FURIN: variants seen among roughly 807,000 people sequenced by gnomAD.
The protein encoded by FURIN is furin, paired basic amino acid cleaving enzyme.
In FURIN, 18 loss-of-function variants were observed where a neutral mutation model predicts 89.2. The observed-to-expected ratio is 0.20, with a 90% CI of 0.14 to 0.30. The LOEUF (loss-of-function observed/expected upper bound fraction) is 0.30. Among genes scored for constraint, FURIN ranks in the 10% least tolerant of loss-of-function variants. The pLI is 1.00. For missense variants in FURIN, 879 were observed against 1,100.5 expected (o/e 0.80, Z 2.85); for synonymous variants, 508 against 466.4 (o/e 1.09, Z -1.15).
At chr15:90,873,232 G>A (rs938416344) in intron 1 of FURIN, 6 of 152,304 alleles carry the variant, frequency 3.9e-5, no homozygotes, top group African/African-American at 9.6e-5. Context: ...TTTTCTGGAA[G>A]CCATCCCCAC....
At chr15:90,871,507 G>C (rs2031290267) in intron 1 of FURIN, 1 of 148,906 alleles carries the variant, frequency 6.7e-6, no homozygotes, top group Non-Finnish European at 1.5e-5. Context: ...CGCTGGGAAC[G>C]CGGGCCCGCA....
Position 90,876,514 on chromosome 15 carries a change from A to G in FURIN, c.329A>G (p.Tyr110Cys). The G allele has an allele frequency of 6.2e-7, 1 of 1,614,068 alleles. No homozygotes were observed. ...VAKRRTKRDV[Y>C]QEPTDPKFPQ... is the part of the protein sequence containing the mutation. ...AAGCGACGGACTAAACGGGACGTGT[A>G]CCAGGAGCCCACAGACCCCAAGTTT... The change falls in exon 4 of 16, where the codon TAC (tyrosine) becomes TGC (cysteine). Residue 110 changes from tyrosine to cysteine, a missense_variant. Coordinates refer to ENST00000268171, the MANE Select transcript of FURIN (RefSeq NM_002569.4). This position sits in a 1 kb window ranked among gnomAD's most constrained non-coding sequence, Gnocchi z 5.0.
Position 90,878,835 on chromosome 15 carries a change from C to T in FURIN, c.912C>T (p.Asn304=), listed in dbSNP as rs762260324. The change falls in exon 9 of 16, where the codon AAC becomes AAT. Residue 304 remains asparagine, a synonymous_variant. Coordinates refer to ENST00000268171, the MANE Select transcript of FURIN (RefSeq NM_002569.4). ...GGGGCCGGGAACATGACAGCTGCAA[C>T]TGCGACGGCTACACCAACAGTATCT... ...GNGGREHDSC[N]CDGYTNSIYT... 6.2e-7 allele frequency: 1 copy of T among 1,611,860 alleles called. No individual in the cohort carries two copies. The highest frequency in any genetic ancestry group is 8.5e-7 in the Non-Finnish European group (1 of 1,178,956).
chr15:90,870,591 A>G (rs1252334468), intron 1 of FURIN, among the ~76,000 whole-genome samples: 1 of 152,186 alleles, frequency 6.6e-6, no homozygotes. Context: ...CGACCTTGGA[A>G]TAACCCAGCC....
At position 90,877,158 on chromosome 15, in the gene FURIN, C is replaced by A; in HGVS notation, c.525C>A (p.Val175=). 1 of 1,612,228 alleles carries A rather than the reference C, an allele frequency of 6.2e-7. No individual in the cohort carries two copies. The highest frequency in any genetic ancestry group is 8.5e-7 in the Non-Finnish European group (1 of 1,179,006). ...GNYDPGASFD[V]NDQDPDPQPR... The stretch of plus-strand genomic sequence containing the variant: ...AGGATCCTGGGGCCAGTTTTGATGT[C>A]AATGACCAGGACCCTGACCCCCAGC... Residue 175 remains valine, a synonymous_variant, in exon 6 of 16, where the codon GTC becomes GTA. Transcript: ENST00000268171.
At chr15:90,880,372 GCTA>G (rs2031893038) in intron 13 of FURIN, 99 bp downstream of exon 13, 1 of 972,512 alleles carries the variant, frequency 1.0e-6, no homozygotes, top group Admixed American at 2.6e-5. Context: ...GGCACTGAGT[GCTA>G]CTCAGTGGGG....
In FURIN at chr15:90,881,348, G is replaced by A. The variant is rs201334295; in HGVS notation, c.1855G>A (p.Ala619Thr). ...TGTCCAGCACTGCCCTCCAGGGTTC[G>A]CCCCCCAAGTCCTCGATACGCACTA... is the stretch of plus-strand genomic sequence containing the variant. ...SCVQHCPPGF[A>T]PQVLDTHYST... Residue 619 changes from alanine to threonine, a missense_variant, in exon 16 of 16, where the codon GCC becomes ACC. By Grantham distance (58) the Ala-to-Thr change is moderately conservative. Coordinates refer to ENST00000268171, the MANE Select transcript of FURIN (RefSeq NM_002569.4). This position sits in a 1 kb window ranked among gnomAD's most constrained non-coding sequence, Gnocchi z 4.3. 8 of 1,612,472 alleles carry A rather than the reference G, an allele frequency of 5.0e-6. No individual in the cohort carries two copies. Among genetic ancestry groups the A allele is most frequent in the South Asian group, 3.3e-5 (3 of 91,056 alleles).
rs970471265 is a variant in FURIN, at chr15:90,876,017, G to A, written c.177+100G>A. On this transcript the variant is annotated intron_variant, in intron 2 of 15. Coordinates refer to ENST00000268171, the MANE Select transcript of FURIN (RefSeq NM_002569.4). This position sits in a 1 kb window ranked among gnomAD's most constrained non-coding sequence, Gnocchi z 5.0. ...GGCCTTGTTTGCTCAGGGGCATCTGGGTAGCCGGCATGTTCTGGGTGGCCA... is the reference window on the plus strand; with the variant it reads ...GGCCTTGTTTGCTCAGGGGCATCTGAGTAGCCGGCATGTTCTGGGTGGCCA... The A allele has an allele frequency of 1.1e-5, 12 of 1,082,780 alleles. No homozygotes were observed. In the African/African-American group the frequency reaches 1.7e-4, roughly 16 times the overall value. The allele number at this position is 1,082,780 out of a possible 1,614,324, so 67.1% of individuals were successfully genotyped here. A position where few individuals can be genotyped will look rare whatever the true frequency, so the allele number is the denominator to read the frequency against.
In FURIN at chr15:90,880,924, G is replaced by A. The variant is rs773548672; in HGVS notation, c.1682-6G>A. ...TAACTCTTGCCTCCTCCCCGCTCTG[G>A]AACAGGGACGCTGACCAAGTTCACC... On this transcript the variant is annotated splice_polypyrimidine_tract_variant and splice_region_variant and intron_variant, in intron 14 of 15. Coordinates refer to ENST00000268171, the MANE Select transcript of FURIN (RefSeq NM_002569.4). The A allele has an allele frequency of 1.2e-6, 2 of 1,613,394 alleles. No homozygotes were observed. The highest frequency in any genetic ancestry group is 1.7e-6 in the Non-Finnish European group (2 of 1,179,442).
chr15:90,879,565 G>T (rs370424383), intron 10 of FURIN, 21 bp downstream of exon 10: 74 of 1,582,028 alleles, frequency 4.7e-5, no homozygotes, highest in Non-Finnish European at 6.3e-5. Flanking sequence ...GGGGGCCAGC[G>T]GCAACCCTGT....
chr15:90,878,465 C>T (rs376666095), intron 8 of FURIN, among the ~76,000 whole-genome samples, 161 bp downstream of exon 8: 4 of 152,166 alleles, frequency 2.6e-5, no homozygotes, highest in African/African-American at 9.7e-5. Context: ...GTGCATATAC[C>T]ACTTGGACTT....
intron 1 of FURIN, chr15:90,871,420 C>T (rs2031282428): frequency 6.6e-6 from 1 of 150,732 alleles, no homozygotes; most frequent in African/African-American, 2.4e-5. Flanking sequence ...CTGCCCCTAC[C>T]AGGAGCCGGA....
Position 90,881,577 on chromosome 15 carries a change from C to T in FURIN, c.2084C>T (p.Pro695Leu). 1 of 1,611,302 alleles carries T rather than the reference C, an allele frequency of 6.2e-7. No individual in the cohort carries two copies. Among genetic ancestry groups the T allele is most frequent in the Non-Finnish European group, 8.5e-7 (1 of 1,178,618 alleles). Reference protein sequence around the residue: ...SPPQQQPPRLPPEVEAGQRLR... With the variant: ...SPPQQQPPRLLPEVEAGQRLR... Reference sequence around the variant, plus strand: ...CCACAGCAGCAGCCACCTCGGCTGCCCCCGGAGGTGGAGGCGGGGCAACGG... The same window carrying T: ...CCACAGCAGCAGCCACCTCGGCTGCTCCCGGAGGTGGAGGCGGGGCAACGG... The change falls in exon 16 of 16, where the codon CCC (proline) becomes CTC (leucine). Residue 695 changes from proline (P) to leucine (L), a missense_variant. Physicochemically the swap from Pro to Leu is moderately conservative, Grantham distance 98 (BLOSUM62 -3). This residue lies in a region of FURIN where 457 missense variants were observed against 490.7 expected (regional missense o/e 0.93). Transcript: ENST00000268171. The surrounding 1 kb of genome is among the most constrained non-coding windows in gnomAD (Gnocchi z 4.3).
Position 90,881,720 on chromosome 15 carries a change from A to C in FURIN, c.2227A>C (p.Ser743Arg), listed in dbSNP as rs2031988729. The change falls in exon 16 of 16, where the codon AGT (serine) becomes CGT (arginine). Residue 743 changes from serine (S) to arginine (R), a missense_variant. Transcript: ENST00000268171. This position sits in a 1 kb window ranked among gnomAD's most constrained non-coding sequence, Gnocchi z 4.3. ...FLVLQLRSGF[S>R]FRGVKVYTMD... is the part of the protein sequence containing the mutation. ...GGTCCTGCAGCTGCGCTCTGGCTTT[A>C]GTTTTCGGGGGGTGAAGGTGTACAC... The C allele has an allele frequency of 6.3e-7, 1 of 1,597,628 alleles. No individual in the cohort carries two copies. Among genetic ancestry groups the C allele is most frequent in the Non-Finnish European group, 8.5e-7 (1 of 1,170,690 alleles).
chr15:90,871,338 G>A (rs1352966088), intron 1 of FURIN, among the ~76,000 whole-genome samples: 2 of 152,002 alleles, frequency 1.3e-5, no homozygotes, highest in African/African-American at 2.4e-5. Context: ...GGGGGCGGGG[G>A]CACGGCAGCG....
At position 90,878,165 on chromosome 15, in the gene FURIN, C is replaced by T. The variant is rs758699474; in HGVS notation, c.701C>T (p.Ala234Val). The change falls in exon 8 of 16, where the codon GCA becomes GTA. Residue 234 changes from alanine to valine, a missense_variant. Ala to Val is a moderately conservative substitution (Grantham distance 64). Transcript: ENST00000268171. ...VRMLDGEVTD[A>V]VEARSLGLNP... Reference sequence around the variant, plus strand: ...ATGCTGGATGGCGAGGTGACAGATGCAGTGGAGGCACGCTCGCTGGGCCTG... The same window carrying T: ...ATGCTGGATGGCGAGGTGACAGATGTAGTGGAGGCACGCTCGCTGGGCCTG... The T allele has an allele frequency of 3.1e-6, 5 of 1,613,880 alleles. No homozygotes were observed. Among genetic ancestry groups the T allele is most frequent in the Admixed American group, 1.7e-5 (1 of 60,030 alleles).
Position 90,878,115 on chromosome 15 carries a change from C to T in FURIN, c.668-17C>T, listed in dbSNP as rs1479863103. 6.2e-7 allele frequency: 1 copy of T among 1,613,254 alleles called. No homozygotes were observed. Among genetic ancestry groups the T allele is most frequent in the Non-Finnish European group, 8.5e-7 (1 of 1,179,876 alleles). Reference sequence around the variant, plus strand: ...ACCCATGCAGCATCCCTCTTCGTGCCCCCCCTTCACGGCCAGGGGTGCGCA... The same window carrying T: ...ACCCATGCAGCATCCCTCTTCGTGCTCCCCCTTCACGGCCAGGGGTGCGCA... On this transcript the variant is annotated splice_polypyrimidine_tract_variant and intron_variant, in intron 7 of 15. Transcript: ENST00000268171.
chr15:90,881,877 G>T lies in FURIN; in HGVS notation c.2384G>T (p.Ter795LeuextTer1). The change falls in exon 16 of 16, where the codon TGA becomes TTA. Residue 795 changes from the stop codon to leucine, a stop_lost. Transcript: ENST00000268171. This position sits in a 1 kb window ranked among gnomAD's most constrained non-coding sequence, Gnocchi z 4.3. Reference sequence around the variant, plus strand: ...TTTATCAAAGACCAGAGCGCCCTCTGATGAGCCCACTGCCCACCCCCTCAA... The same window carrying T: ...TTTATCAAAGACCAGAGCGCCCTCTTATGAGCCCACTGCCCACCCCCTCAA... ...TAFIKDQSAL[*>L] is the part of the protein sequence containing the mutation. 1 of 1,603,986 alleles carries T rather than the reference G, an allele frequency of 6.2e-7. No individual in the cohort carries two copies. Among genetic ancestry groups the T allele is most frequent in the Non-Finnish European group, 8.5e-7 (1 of 1,173,752 alleles).
At position 90,878,904 on chromosome 15, in the gene FURIN, G is replaced by T. The variant is rs748808410; in HGVS notation, c.981G>T (p.Pro327=). ...GCGCCACGCAGTTTGGCAACGTGCC[G>T]TGGTACAGCGAGGCCTGCTCGTCCA... ...ISSATQFGNV[P]WYSEACSSTL... is the part of the protein sequence containing the mutation. Residue 327 remains proline, a synonymous_variant, in exon 9 of 16, where the codon CCG becomes CCT. Coordinates refer to ENST00000268171, the MANE Select transcript of FURIN (RefSeq NM_002569.4). 3 of 1,612,884 alleles carry T rather than the reference G, an allele frequency of 1.9e-6. No homozygotes were observed. In the South Asian group the frequency reaches 3.3e-5, roughly 18 times the overall value.
Sources: gnomAD v4.1 joint callset for allele counts (sites outside exome capture counted in the v4.1 genomes callset) on GRCh38, gnomAD v4.1.1 for gene constraint, gnomAD v4.1.1 regional missense constraint, Gnocchi (gnomAD v3.1) non-coding constraint, MANE v1.5 for transcripts, NCBI Gene and HGNC (gene_info 2026-07-23, HGNC 2026-07-21) for gene names.